Variants in DLGAP2 observed in about 807,000 individuals in gnomAD.
DLGAP2 encodes the protein DLG associated protein 2, also known as disks large-associated protein 2.
In DLGAP2, 26 loss-of-function variants were observed where a neutral mutation model predicts 100.3. That is an observed-to-expected ratio of 0.26 (90% CI 0.19 to 0.36). DLGAP2 has a LOEUF of 0.36. DLGAP2 is among the 10% of genes least tolerant of loss of function. The pLI, the probability that DLGAP2 is intolerant of heterozygous loss-of-function variation, is 1.00. For missense variants in DLGAP2, 1,858 were observed against 1,453.2 expected (o/e 1.28, Z -4.53); for synonymous variants, 886 against 630.1 (o/e 1.41, Z -6.08).
At chr8:931,006 T>C (rs1159964638) in intron 2 of DLGAP2, among the ~76,000 whole-genome samples, 1 of 151,954 alleles carries the variant, frequency 6.6e-6, no homozygotes, top group Non-Finnish European at 1.5e-5. Context: ...AAATCCCCAG[T>C]GAAGATGACA....
intron 4 of DLGAP2, among the ~76,000 whole-genome samples, chr8:1,508,673 G>A (rs145124874): frequency 0.013 from 1,953 of 149,462 alleles, 17 homozygotes; most frequent in Non-Finnish European, 0.019. Context: ...TCAACGTGGC[G>A]GGGGAGTTGG....
chr8:1,569,285 A>T (rs752511783), intron 6 of DLGAP2, among the ~76,000 whole-genome samples: 10 of 152,290 alleles, frequency 6.6e-5, no homozygotes, highest in Non-Finnish European at 1.2e-4. Context: ...GATGAGTCCA[A>T]CAAATGTCAG....
chr8:1,000,481 A>G (rs1457112287), intron 2 of DLGAP2, among the ~76,000 whole-genome samples: 1 of 149,992 alleles, frequency 6.7e-6, no homozygotes, highest in African/African-American at 2.5e-5. Flanking sequence ...TCTAGAGCGG[A>G]CAGATCCGGG....
chr8:1,128,607 C>T (rs957917756), intron 2 of DLGAP2, among the ~76,000 whole-genome samples: 1 of 152,196 alleles, frequency 6.6e-6, no homozygotes, highest in Admixed American at 6.5e-5. Context: ...ATAACACATT[C>T]TGATGTTCCC....
At position 1,701,269 on chromosome 8, in the gene DLGAP2, C is replaced by T. The variant is rs1210203895; in HGVS notation, c.3031C>T (p.Leu1011=). ...CATCACAAGAGAAAAATCCCTGGAC[C>T]TGCCCGACAGACAACGCCAGGAAGC... ...FPITREKSLD[L]PDRQRQEARR... is the part of the protein sequence containing the mutation. The change falls in exon 15 of 15, where the codon CTG becomes TTG. Residue 1011 remains leucine, a synonymous_variant. Coordinates refer to ENST00000637795, the MANE Select transcript of DLGAP2 (RefSeq NM_001346810.2). The T allele has an allele frequency of 6.3e-7, 1 of 1,582,962 alleles. No homozygotes were observed. The highest frequency in any genetic ancestry group is 8.6e-7 in the Non-Finnish European group (1 of 1,165,350).
At chr8:1,543,907 CTTTTTT>C (rs544818739) in intron 4 of DLGAP2, among the ~76,000 whole-genome samples, 1 of 145,964 alleles carries the variant, frequency 6.9e-6, no homozygotes, top group African/African-American at 2.5e-5. Context: ...TCCTTTTTTT[CTTTTTT>C]TTTTTAAGAG....
chr8:1,526,910 G>T (rs1359273247), intron 4 of DLGAP2, among the ~76,000 whole-genome samples: 1 of 152,228 alleles, frequency 6.6e-6, no homozygotes, highest in Non-Finnish European at 1.5e-5. Context: ...CCACCTTGGA[G>T]AGGAGAGGGC....
intron 2 of DLGAP2, among the ~76,000 whole-genome samples, chr8:1,243,667 G>A (rs929655234): frequency 3.3e-5 from 5 of 152,054 alleles, no homozygotes; most frequent in East Asian, 3.9e-4. Context: ...TCCCATACTC[G>A]GTGGGGCTGG....
chr8:786,574 C>T (rs1821873261), intron 1 of DLGAP2, among the ~76,000 whole-genome samples: 1 of 152,026 alleles, frequency 6.6e-6, no homozygotes, highest in Non-Finnish European at 1.5e-5. Flanking sequence ...GCCCTGAGCG[C>T]ACTACGCACA....
intron 2 of DLGAP2, among the ~76,000 whole-genome samples, chr8:1,216,732 A>G (rs1390940691): frequency 6.6e-6 from 1 of 152,038 alleles, no homozygotes; most frequent in African/African-American, 2.4e-5. Context: ...TTTCTCTCTC[A>G]TAACTGTTCA....
At chr8:1,088,967 C>G (rs543421932) in intron 2 of DLGAP2, among the ~76,000 whole-genome samples, 1 of 132,762 alleles carries the variant, frequency 7.5e-6, no homozygotes, top group African/African-American at 3.0e-5. Context: ...CTCACTCTCT[C>G]CACCCCTCAT....
chr8:1,676,411 C>A, intron 10 of DLGAP2, 122 bp from the exon 11 acceptor site: 1 of 990,176 alleles, frequency 1.0e-6, no homozygotes. Context: ...GGGTCAAGTG[C>A]ACCGCTGCAT....
At chr8:1,596,127 G>T (rs1796453003) in intron 6 of DLGAP2, among the ~76,000 whole-genome samples, 1 of 151,098 alleles carries the variant, frequency 6.6e-6, no homozygotes, top group Non-Finnish European at 1.5e-5. Context: ...GCAGTATTTG[G>T]TTTTCTGTTC....
At chr8:1,143,536 G>A (rs1247413781) in intron 2 of DLGAP2, among the ~76,000 whole-genome samples, 2 of 152,160 alleles carry the variant, frequency 1.3e-5, no homozygotes, top group Non-Finnish European at 2.9e-5. Flanking sequence ...TTTCCGTGAG[G>A]TGCTTCAAGT....
At chr8:1,141,861 T>C (rs1008537733) in intron 2 of DLGAP2, among the ~76,000 whole-genome samples, 1 of 152,216 alleles carries the variant, frequency 6.6e-6, no homozygotes, top group Non-Finnish European at 1.5e-5. Flanking sequence ...TTAGATGCTT[T>C]CTTTGTTTCT....
chr8:1,142,974 T>C (rs1011013926), intron 2 of DLGAP2, among the ~76,000 whole-genome samples: 1 of 152,148 alleles, frequency 6.6e-6, no homozygotes, highest in Non-Finnish European at 1.5e-5. Flanking sequence ...CAGGGAGAAC[T>C]ACACAGGATA....
chr8:1,510,580 T>C (rs891457366), intron 4 of DLGAP2, among the ~76,000 whole-genome samples: 2 of 152,242 alleles, frequency 1.3e-5, no homozygotes, highest in African/African-American at 4.8e-5. Context: ...CCCTGCGTTC[T>C]GGTGCCTTGG....
intron 1 of DLGAP2, among the ~76,000 whole-genome samples, chr8:772,409 G>A (rs1438832256): frequency 2.6e-5 from 4 of 152,028 alleles, no homozygotes; most frequent in Non-Finnish European, 4.4e-5. Context: ...TGCAAGCTCC[G>A]CCTCCCAGGT....
intron 6 of DLGAP2, among the ~76,000 whole-genome samples, chr8:1,585,324 C>A (rs1459527757): frequency 1.3e-5 from 2 of 151,534 alleles, no homozygotes; most frequent in African/African-American, 2.4e-5. Context: ...ATTAGCCAGG[C>A]ATTTTGGCCC....
Sources: allele counts gnomAD v4.1 joint callset (sites outside exome capture counted in the v4.1 genomes callset), GRCh38; gene constraint gnomAD v4.1.1; transcripts MANE v1.5; gene names NCBI Gene and HGNC (gene_info 2026-07-23, HGNC 2026-07-21).